The following BFSP2 variants were observed in gnomAD, a reference collection of about 807,000 sequenced individuals.
The protein encoded by BFSP2 is beaded filament structural protein 2, also known as phakinin.
In BFSP2, 38 loss-of-function variants were observed where a neutral mutation model predicts 44.9. The ratio of observed to expected loss-of-function variants is 0.85; its 90% CI spans 0.65 to 1.11. BFSP2 has a LOEUF of 1.11. Ranked by LOEUF, BFSP2 falls within the 50% of genes least tolerant of loss-of-function variation. BFSP2 has a pLI of 0.00. For missense variants in BFSP2, 525 were observed against 533.0 expected, an observed-to-expected ratio of 0.99 and a Z score of 0.15; for synonymous variants, 197 against 209.9, an observed-to-expected ratio of 0.94 and a Z score of 0.53.
Position 133,402,032 on chromosome 3 carries a change from C to T in BFSP2, c.489+1460C>T, listed in dbSNP as rs146205133. Among the ~76,000 whole-genome samples, 22 of 152,266 alleles carry T rather than the reference C, an allele frequency of 1.4e-4. No homozygotes were observed. In the East Asian group the frequency reaches 4.1e-3, roughly 28 times the overall value. ...ATCTTAGAACAGTCCAGGGCCTTAACGCCTGTCAAATCTAAGAGGCAGCCA... is the reference window on the plus strand; with the variant it reads ...ATCTTAGAACAGTCCAGGGCCTTAATGCCTGTCAAATCTAAGAGGCAGCCA... On this transcript the variant is annotated intron_variant, in intron 1 of 6. Transcript: ENST00000302334.
chr3:133,450,137 T>TA (rs1268646608), intron 3 of BFSP2, among the ~76,000 whole-genome samples, 166 bp from the exon 4 acceptor site: 5 of 151,920 alleles, frequency 3.3e-5, no homozygotes, highest in Non-Finnish European at 5.9e-5. Context: ...AAATTACACT[T>TA]ACGCTGGGAA....
intron 1 of BFSP2, among the ~76,000 whole-genome samples, chr3:133,425,774 AAAGGG>A (rs1316632671): frequency 3.1e-5 from 2 of 63,808 alleles, no homozygotes; most frequent in Non-Finnish European, 7.1e-5. Context: ...TGGGAAAGGG[AAAGGG>A]AAAGGGAAGG....
chr3:133,414,586 AG>A (rs2073491978), intron 1 of BFSP2, among the ~76,000 whole-genome samples: 1 of 60,716 alleles, frequency 1.6e-5, no homozygotes, highest in Non-Finnish European at 3.1e-5. Context: ...CTCTCTACTC[AG>A]CCCTGTCCTC....
At chr3:133,432,271 C>A (rs946805465) in intron 1 of BFSP2, among the ~76,000 whole-genome samples, 4 of 152,224 alleles carry the variant, frequency 2.6e-5, no homozygotes, top group Non-Finnish European at 5.9e-5. Context: ...CCTTATCAAC[C>A]AAATTGTTTT....
At chr3:133,410,503 A>G (rs1260006555) in intron 1 of BFSP2, 3 of 280,690 alleles carry the variant, frequency 1.1e-5, no homozygotes, top group Non-Finnish European at 2.2e-5. Flanking sequence ...CATGGGAATG[A>G]TCAGCATAGC....
intron 4 of BFSP2, among the ~76,000 whole-genome samples, chr3:133,458,650 C>T (rs1175435717): frequency 6.6e-6 from 1 of 152,168 alleles, no homozygotes; most frequent in Admixed American, 6.5e-5. Flanking sequence ...GAGCCAAGAA[C>T]ACTCCACTGC....
At chr3:133,424,489 G>A (rs374829894) in intron 1 of BFSP2, among the ~76,000 whole-genome samples, 1 of 113,134 alleles carries the variant, frequency 8.8e-6, no homozygotes, top group South Asian at 3.2e-4. Flanking sequence ...CTGAGTTCCA[G>A]TCTCAGCCCA....
chr3:133,433,217 C>T (rs1199098734), intron 1 of BFSP2, among the ~76,000 whole-genome samples: 1 of 152,164 alleles, frequency 6.6e-6, no homozygotes, highest in Non-Finnish European at 1.5e-5. Context: ...CATCCCATTT[C>T]CCCATATTTG....
At chr3:133,425,527 G>A (rs75410069) in intron 1 of BFSP2, among the ~76,000 whole-genome samples, 3,160 of 152,244 alleles carry the variant, frequency 0.021, 111 homozygotes, top group African/African-American at 0.071. Context: ...TCACTTGCAG[G>A]AAACTAAAAA....
At chr3:133,410,702 C>T (rs2073444080) in intron 1 of BFSP2, 1 of 251,042 alleles carries the variant, frequency 4.0e-6, no homozygotes, top group Non-Finnish European at 8.3e-6. Context: ...AGTCCGTGGG[C>T]GGACAGGAGT....
In BFSP2 at chr3:133,405,812, G is replaced by A. The variant is rs530826720; in HGVS notation, c.489+5240G>A. Among the ~76,000 whole-genome samples the A allele has an allele frequency of 1.2e-4, 18 of 152,302 alleles. 1 individual carries two copies. The highest frequency in any genetic ancestry group is 1.9e-4 in the East Asian group (1 of 5,186). On this transcript the variant is annotated intron_variant, in intron 1 of 6. Transcript: ENST00000302334. ...AAATGTAGCTACCAGAGAAAAGTCC[G>A]TTAGAGAGATTCATTCCTCTTAGGA...
chr3:133,428,245 C>T (rs1471462196), intron 1 of BFSP2, among the ~76,000 whole-genome samples: 1 of 152,122 alleles, frequency 6.6e-6, no homozygotes, highest in African/African-American at 2.4e-5. Flanking sequence ...TGGAAGTGCT[C>T]CTGGAGAAAC....
At chr3:133,409,821 A>G (rs562449684) in intron 1 of BFSP2, 1 of 152,388 alleles carries the variant, frequency 6.6e-6, no homozygotes, top group East Asian at 1.9e-4. Context: ...ATGGGGACAG[A>G]ACTCCTGTGC....
chr3:133,424,234 T>TGTGTGTGTGTGTGTGTGTG (rs2073623034), intron 1 of BFSP2, among the ~76,000 whole-genome samples: 1 of 145,268 alleles, frequency 6.9e-6, no homozygotes, highest in African/African-American at 2.5e-5. Flanking sequence ...TTTTTTTTTT[T>TGTGTGTGTGTGTGTGTGTG]TTTTTTTGTA....
rs144765332 is a variant in BFSP2, at chr3:133,449,500, T to TTTTGTTTG, written c.730-775_730-768dup. Among the ~76,000 whole-genome samples, 155 of 150,966 alleles carry TTTTGTTTG rather than the reference T, an allele frequency of 1.0e-3. 1 individual carries two copies. Among genetic ancestry groups the TTTTGTTTG allele is most frequent in the African/African-American group, 3.7e-3 (150 of 41,024 alleles). On this transcript the variant is annotated intron_variant, in intron 3 of 6. Coordinates refer to ENST00000302334, the MANE Select transcript of BFSP2 (RefSeq NM_003571.4). Reference sequence around the variant, plus strand: ...TAGTTACATATGTATACATGTGGTTTTTTGTTTGTTTGTTTGTTTGTTTGT... The same window carrying TTTTGTTTG: ...TAGTTACATATGTATACATGTGGTTTTTTGTTTGTTTGTTTGTTTGTTTGTTTGTTTGT...
At chr3:133,410,259 C>A (rs940781648) in intron 1 of BFSP2, 1 of 352,378 alleles carries the variant, frequency 2.8e-6, no homozygotes, top group South Asian at 2.3e-5. Flanking sequence ...CATTTCTGTC[C>A]CAGAAACAGT....
At chr3:133,416,504 G>GCCCTCTACTGACCCCTGTTCTCTC (rs1187420234) in intron 1 of BFSP2, among the ~76,000 whole-genome samples, 2 of 130,782 alleles carry the variant, frequency 1.5e-5, no homozygotes, top group East Asian at 4.9e-4. Context: ...TCCTGTGTCT[G>GCCCTCTACTGACCCCTGTTCTCTC]CCCTCTACTG....
intron 1 of BFSP2, among the ~76,000 whole-genome samples, chr3:133,416,260 C>T (rs1559960328): frequency 7.0e-6 from 1 of 143,066 alleles, no homozygotes. Flanking sequence ...CCCCTGTCCT[C>T]TCTCCTCTAC....
intron 1 of BFSP2, among the ~76,000 whole-genome samples, chr3:133,443,985 C>T: frequency 6.6e-6 from 1 of 151,994 alleles, no homozygotes; most frequent in East Asian, 1.9e-4. Context: ...ATAACTACAT[C>T]CGCAGTGAAA....
Sources: allele counts gnomAD v4.1 joint callset (sites outside exome capture counted in the v4.1 genomes callset), GRCh38; gene constraint gnomAD v4.1.1; transcripts MANE v1.5; gene names NCBI Gene and HGNC (gene_info 2026-07-23, HGNC 2026-07-21).